SUSD1: variants seen among roughly 807,000 people sequenced by gnomAD.
SUSD1 encodes sushi domain containing 1, also known as sushi domain-containing protein 1.
A neutral mutation model predicts 86.9 loss-of-function variants in SUSD1; 65 were observed. The observed-to-expected ratio is 0.75, with a 90% CI of 0.61 to 0.92. The LOEUF (loss-of-function observed/expected upper bound fraction) is 0.92. Among genes scored for constraint, SUSD1 ranks in the 40% least tolerant of loss-of-function variants. SUSD1 has a pLI of 0.00. For synonymous variants in SUSD1, 346 were observed against 350.0 expected (o/e 0.99, Z 0.13); for missense variants, 850 against 929.7 (o/e 0.91, Z 1.11).
At chr9:112,135,073 A>G (rs558381634) in intron 5 of SUSD1, among the ~76,000 whole-genome samples, 1 of 152,154 alleles carries the variant, frequency 6.6e-6, no homozygotes, top group South Asian at 2.1e-4. Context: ...CAAAAAAAAA[A>G]AAGAAAAGAA....
chr9:112,074,795 T>G (rs1453187399), intron 12 of SUSD1, among the ~76,000 whole-genome samples: 1 of 129,836 alleles, frequency 7.7e-6, no homozygotes, highest in African/African-American at 3.0e-5. Flanking sequence ...AAGGGGTTGG[T>G]TTTTTTTTTT....
intron 15 of SUSD1, among the ~76,000 whole-genome samples, chr9:112,048,089 G>T (rs1828033630): frequency 6.6e-6 from 1 of 152,142 alleles, no homozygotes. Flanking sequence ...AGCTGCAGGA[G>T]AATTTCCCTA....
chr9:112,160,269 C>T (rs760023191), intron 1 of SUSD1, among the ~76,000 whole-genome samples: 2 of 152,158 alleles, frequency 1.3e-5, no homozygotes, highest in Non-Finnish European at 2.9e-5. Flanking sequence ...TGAGGCTGGG[C>T]GGAGTGGCTC....
rs202129772 is a variant in SUSD1, at chr9:112,145,238, T to TA, written c.374-1616dup. Reference sequence around the variant, plus strand: ...GCATGATTGAAGAAAGTCTGTTTTTTAAAAAAAAAATTTCAAAAAGCTAGT... The same window carrying TA: ...GCATGATTGAAGAAAGTCTGTTTTTTAAAAAAAAAAATTTCAAAAAGCTAGT... On this transcript the variant is annotated intron_variant, in intron 3 of 16. Coordinates refer to ENST00000374270, the MANE Select transcript of SUSD1 (RefSeq NM_022486.5). 3.3e-3 allele frequency among the ~76,000 whole-genome samples: 484 copies of TA among 146,880 alleles called. 3 individuals are homozygous for TA. The highest frequency in any genetic ancestry group is 0.011 in the African/African-American group (425 of 40,210).
At chr9:112,092,042 G>C (rs186426232) in intron 10 of SUSD1, among the ~76,000 whole-genome samples, 97 of 152,296 alleles carry the variant, frequency 6.4e-4, no homozygotes, top group African/African-American at 2.3e-3. Context: ...ACAAGTCCTT[G>C]TTATTCAATT....
At chr9:112,171,119 G>T (rs532464105) in intron 1 of SUSD1, among the ~76,000 whole-genome samples, 2 of 152,268 alleles carry the variant, frequency 1.3e-5, no homozygotes, top group African/African-American at 4.8e-5. Flanking sequence ...GGCCAGCTAC[G>T]CTAATTTTTG....
chr9:112,157,499 C>A lies in SUSD1; in HGVS notation c.217+1G>T. On this transcript the variant is annotated splice_donor_variant, in intron 2 of 16. Transcript: ENST00000374270. LOFTEE classifies it high-confidence loss of function. ...AACTTAACCCAGAGTTCAGAACTTA[C>A]CAACACACTGAGTCCTCCCGTTCCC... is the stretch of plus-strand genomic sequence containing the variant. 6.2e-7 allele frequency: 1 copy of A among 1,609,306 alleles called. No individual in the cohort carries two copies. Among genetic ancestry groups the A allele is most frequent in the Non-Finnish European group, 8.5e-7 (1 of 1,175,906 alleles).
At chr9:112,090,257 C>A (rs181700351) in intron 10 of SUSD1, among the ~76,000 whole-genome samples, 1 of 152,046 alleles carries the variant, frequency 6.6e-6, no homozygotes, top group Non-Finnish European at 1.5e-5. Flanking sequence ...AAAACTTAGA[C>A]GAAATAGGTA....
In SUSD1 at chr9:112,156,482, C is replaced by T. The variant is rs139915090; in HGVS notation, c.217+1018G>A. Among the ~76,000 whole-genome samples, 3 of 152,014 alleles carry T rather than the reference C, an allele frequency of 2.0e-5. No homozygotes were observed. In the East Asian group the frequency reaches 5.8e-4, roughly 29 times the overall value. ...TCTCAAAAAAAAAAAAAAATACTCA[C>T]TGAAGCTTCGAACTCCTGGGCTCAA... On this transcript the variant is annotated intron_variant, in intron 2 of 16. Transcript: ENST00000374270.
At chr9:112,121,355 A>G (rs1303763441) in intron 6 of SUSD1, among the ~76,000 whole-genome samples, 1 of 152,126 alleles carries the variant, frequency 6.6e-6, no homozygotes, top group Non-Finnish European at 1.5e-5. Flanking sequence ...CTATCCCAAG[A>G]ATGCTTTACT....
intron 12 of SUSD1, among the ~76,000 whole-genome samples, chr9:112,068,846 G>C: frequency 6.6e-6 from 1 of 152,218 alleles, no homozygotes; most frequent in East Asian, 1.9e-4. Context: ...CTGCAAGTGA[G>C]AGCACTGAGA....
chr9:112,148,885 A>G lies in SUSD1; in HGVS notation c.373+359T>C, dbSNP rs374583642. On this transcript the variant is annotated intron_variant, in intron 3 of 16. Transcript: ENST00000374270. ...TGTGCCACTGCACTCCAGCCTGGGC[A>G]ACAGAGTGAGACCCCCCCCTTAAAA... Among the ~76,000 whole-genome samples, 40 of 151,018 alleles carry G rather than the reference A, an allele frequency of 2.6e-4. No homozygotes were observed. The East Asian group carries it at 4.6e-3, about 18-fold the overall frequency.
intron 12 of SUSD1, among the ~76,000 whole-genome samples, chr9:112,078,283 G>A (rs1478307176): frequency 6.6e-6 from 1 of 152,222 alleles, no homozygotes; most frequent in Non-Finnish European, 1.5e-5. Flanking sequence ...GGTCAAGGCT[G>A]CAGTGAGCCA....
At chr9:112,069,334 C>T (rs1829147435) in intron 12 of SUSD1, among the ~76,000 whole-genome samples, 1 of 152,166 alleles carries the variant, frequency 6.6e-6, no homozygotes, top group South Asian at 2.1e-4. Flanking sequence ...GGAAAAGCCT[C>T]TGCTTAGAGT....
At chr9:112,128,345 C>T (rs1233802100) in intron 5 of SUSD1, among the ~76,000 whole-genome samples, 1 of 151,964 alleles carries the variant, frequency 6.6e-6, no homozygotes, top group Non-Finnish European at 1.5e-5. Context: ...CTGCCTGTCT[C>T]AGCCTCCCAA....
At chr9:112,093,055 T>G (rs1830264426) in intron 10 of SUSD1, among the ~76,000 whole-genome samples, 1 of 152,176 alleles carries the variant, frequency 6.6e-6, no homozygotes, top group Non-Finnish European at 1.5e-5. Flanking sequence ...TTTCCTAACA[T>G]AGACTCCTAG....
Position 112,111,647 on chromosome 9 carries a change from C to CAG in SUSD1, c.1171+6_1171+7insCT, listed in dbSNP as rs1564304345. On this transcript the variant is annotated splice_region_variant and intron_variant, in intron 8 of 16. Transcript: ENST00000374270. ...CTAGGAGGAAATGAGACTTCACCTC[C>CAG]ACCTACCAGCTGTCTGGAAACCGAT... The CAG allele has an allele frequency of 6.2e-7, 1 of 1,611,582 alleles. No individual in the cohort carries two copies.
chr9:112,159,115 G>A (rs1833460696), intron 1 of SUSD1, among the ~76,000 whole-genome samples: 1 of 152,062 alleles, frequency 6.6e-6, no homozygotes, highest in Admixed American at 6.6e-5. Context: ...ATTGTTTGAG[G>A]CTAAAACTTC....
chr9:112,125,990 T>G (rs1353455573), intron 5 of SUSD1, among the ~76,000 whole-genome samples: 1 of 152,202 alleles, frequency 6.6e-6, no homozygotes, highest in Non-Finnish European at 1.5e-5. Flanking sequence ...TCCCTTTTCA[T>G]GCATATTCAC....
Sources: gnomAD v4.1 joint callset for allele counts (sites outside exome capture counted in the v4.1 genomes callset) on GRCh38, gnomAD v4.1.1 for gene constraint, MANE v1.5 for transcripts, NCBI Gene and HGNC (gene_info 2026-07-23, HGNC 2026-07-21) for gene names.